The following KLHL14 variants were observed in gnomAD, a reference collection of about 807,000 sequenced individuals.
KLHL14 encodes kelch like family member 14, also known as kelch-like protein 14.
Under a neutral mutation model 64.3 loss-of-function variants are expected in KLHL14, and 22 were observed. That is an observed-to-expected ratio of 0.34 (90% CI 0.24 to 0.49). The LOEUF (loss-of-function observed/expected upper bound fraction) is 0.49, where lower values mean the gene tolerates loss of function less well. Among genes scored for constraint, KLHL14 ranks in the 20% least tolerant of loss-of-function variants. The pLI is 0.99. For missense variants in KLHL14, 661 were observed against 789.0 expected (o/e 0.84, Z 1.94); for synonymous variants, 322 against 333.4 (o/e 0.97, Z 0.37).
intron 3 of KLHL14, among the ~76,000 whole-genome samples, chr18:32,708,954 C>T (rs563972866): frequency 6.6e-6 from 1 of 152,304 alleles, no homozygotes; most frequent in East Asian, 1.9e-4. Flanking sequence ...TTCCATAGAC[C>T]TTTGCAACAG....
At chr18:32,709,837 T>C (rs2050010395) in intron 3 of KLHL14, among the ~76,000 whole-genome samples, 1 of 152,210 alleles carries the variant, frequency 6.6e-6, no homozygotes, top group African/African-American at 2.4e-5. Context: ...TTTAAAGTGA[T>C]ATAGAATTGG....
chr18:32,707,742 G>A (rs1249522424), intron 3 of KLHL14, among the ~76,000 whole-genome samples: 2 of 152,190 alleles, frequency 1.3e-5, no homozygotes, highest in Non-Finnish European at 2.9e-5. Flanking sequence ...TGACTCCACA[G>A]GAGCAGCACT....
intron 3 of KLHL14, among the ~76,000 whole-genome samples, chr18:32,697,290 C>T (rs1170886169): frequency 6.6e-6 from 1 of 152,196 alleles, no homozygotes; most frequent in Non-Finnish European, 1.5e-5. Context: ...TTGTTTGGAT[C>T]ATAATGCTGG....
chr18:32,761,597 G>T (rs1429147522), intron 2 of KLHL14, among the ~76,000 whole-genome samples: 1 of 151,890 alleles, frequency 6.6e-6, no homozygotes, highest in Non-Finnish European at 1.5e-5. Context: ...CTCGGATAAG[G>T]TTACAGCTGT....
chr18:32,735,809 G>A (rs999930068), intron 3 of KLHL14, among the ~76,000 whole-genome samples: 1 of 152,124 alleles, frequency 6.6e-6, no homozygotes, highest in South Asian at 2.1e-4. Context: ...GCTCAGCGTG[G>A]TATCCTCTGT....
chr18:32,679,234 T>C (rs2144464602), intron 7 of KLHL14, among the ~76,000 whole-genome samples: 1 of 152,272 alleles, frequency 6.6e-6, no homozygotes, highest in Admixed American at 6.5e-5. Flanking sequence ...TTATTTCATC[T>C]ACAGGTAAAT....
At chr18:32,746,514 T>C (rs1283156167) in intron 2 of KLHL14, among the ~76,000 whole-genome samples, 1 of 152,214 alleles carries the variant, frequency 6.6e-6, no homozygotes, top group East Asian at 1.9e-4. Flanking sequence ...CTGTAAAATC[T>C]CATTTATTTA....
At chr18:32,726,305 C>A (rs1012414646) in intron 3 of KLHL14, among the ~76,000 whole-genome samples, 1 of 152,146 alleles carries the variant, frequency 6.6e-6, no homozygotes, top group African/African-American at 2.4e-5. Context: ...TGAGGACTGA[C>A]CCCTGGATAG....
chr18:32,742,802 T>G (rs571070623), intron 2 of KLHL14: 10 of 152,508 alleles, frequency 6.6e-5, no homozygotes, highest in South Asian at 4.1e-4. Flanking sequence ...TGCTCAACTG[T>G]GCAAAGTCAC....
At chr18:32,693,403 CACACACACACAGAG>C (rs1416054087) in intron 4 of KLHL14, among the ~76,000 whole-genome samples, 17 of 120,886 alleles carry the variant, frequency 1.4e-4, no homozygotes, top group East Asian at 8.7e-4. Flanking sequence ...CACACACACA[CACACACACACAGAG>C]AGAGAGAGAG....
chr18:32,722,282 G>T (rs1034327202), intron 3 of KLHL14, among the ~76,000 whole-genome samples: 2 of 152,124 alleles, frequency 1.3e-5, no homozygotes, highest in African/African-American at 4.8e-5. Flanking sequence ...ACCATCAGGA[G>T]GCCCCAGCTC....
intron 2 of KLHL14, among the ~76,000 whole-genome samples, chr18:32,752,955 TTGTGTGTG>T (rs71177874): frequency 0.036 from 5,118 of 142,340 alleles, 112 homozygotes; most frequent in Middle Eastern, 0.05. Context: ...AGCATCATAT[TTGTGTGTG>T]TGTGTGTGTG....
At chr18:32,733,891 G>A (rs558817152) in intron 3 of KLHL14, 1 of 425,848 alleles carries the variant, frequency 2.3e-6, no homozygotes, top group East Asian at 3.8e-5. Flanking sequence ...CGTGTTTACT[G>A]GGGTGATCCT....
At chr18:32,697,090 C>T (rs543810012) in intron 3 of KLHL14, among the ~76,000 whole-genome samples, 6 of 152,206 alleles carry the variant, frequency 3.9e-5, no homozygotes, top group South Asian at 2.1e-4. Flanking sequence ...CAATTGACTT[C>T]GAGAGTCATC....
At chr18:32,762,284 G>T (rs542878391) in intron 2 of KLHL14, among the ~76,000 whole-genome samples, 1 of 151,620 alleles carries the variant, frequency 6.6e-6, no homozygotes, top group East Asian at 1.9e-4. Context: ...ATTATATAAG[G>T]TTGGGTATGC....
chr18:32,752,979 G>GTA (rs972455200), intron 2 of KLHL14, among the ~76,000 whole-genome samples: 6 of 151,374 alleles, frequency 4.0e-5, no homozygotes, highest in Non-Finnish European at 7.4e-5. Context: ...GTGTGTGTGT[G>GTA]TGTGTGTGTG....
At chr18:32,755,433 A>G (rs1253555082) in intron 2 of KLHL14, among the ~76,000 whole-genome samples, 1 of 152,078 alleles carries the variant, frequency 6.6e-6, no homozygotes, top group Non-Finnish European at 1.5e-5. Flanking sequence ...AGGGACCCGA[A>G]TTTCATCTCT....
intron 3 of KLHL14, among the ~76,000 whole-genome samples, chr18:32,717,442 C>T (rs558268431): frequency 3.5e-4 from 53 of 152,216 alleles, no homozygotes; most frequent in African/African-American, 1.2e-3. Flanking sequence ...TATGAGACTC[C>T]CAGCTGCTCT....
intron 2 of KLHL14, among the ~76,000 whole-genome samples, chr18:32,769,383 C>A (rs996301261): frequency 3.9e-5 from 6 of 152,216 alleles, no homozygotes; most frequent in Non-Finnish European, 5.9e-5. Flanking sequence ...GTCCACAATT[C>A]CCATGTTTAC....
Sources: gnomAD v4.1 joint callset for allele counts (sites outside exome capture counted in the v4.1 genomes callset) on GRCh38, gnomAD v4.1.1 for gene constraint, MANE v1.5 for transcripts, NCBI Gene and HGNC (gene_info 2026-07-23, HGNC 2026-07-21) for gene names.